CLCNKB: variants seen among roughly 807,000 people sequenced by gnomAD.
CLCNKB encodes the protein chloride channel protein ClC-Kb.
In CLCNKB, 74 loss-of-function variants were observed where a neutral mutation model predicts 83.8. The ratio of observed to expected loss-of-function variants is 0.88; its 90% CI spans 0.73 to 1.07. CLCNKB has a LOEUF of 1.07. Among genes scored for constraint, CLCNKB ranks in the 50% least tolerant of loss-of-function variants. The probability of loss-of-function intolerance (pLI) is 0.00; values close to 1 mark genes in which losing one functional copy is unlikely to be tolerated. For missense variants in CLCNKB, 798 were observed against 893.6 expected, an observed-to-expected ratio of 0.89 and a Z score of 1.36; for synonymous variants, 358 against 356.6, an observed-to-expected ratio of 1.00 and a Z score of -0.04.
rs976896435 is a variant in CLCNKB, at chr1:16,053,568, A to T, written c.1623-71A>T. The T allele has an allele frequency of 1.5e-4, 242 of 1,610,764 alleles. 2 individuals are homozygous for T. The highest frequency in any genetic ancestry group is 2.0e-4 in the Non-Finnish European group (234 of 1,178,224). On this transcript the variant is annotated intron_variant, in intron 15 of 19. Transcript: ENST00000375679. ...GTCCCCGGTTCAAGCAAAGCTCCCCACAGATCCCCCTGCCAGCCTGGGTCT... is the reference window on the plus strand; with the variant it reads ...GTCCCCGGTTCAAGCAAAGCTCCCCTCAGATCCCCCTGCCAGCCTGGGTCT...
chr1:16,057,158 A>C lies in CLCNKB; in HGVS notation c.*242A>C, dbSNP rs781362423. The C allele has an allele frequency of 1.4e-6, 1 of 690,642 alleles. No individual in the cohort carries two copies. The highest frequency in any genetic ancestry group is 1.6e-5 in the South Asian group (1 of 64,272). The allele number at this position is 690,642 out of a possible 1,614,324, so 42.8% of individuals were successfully genotyped here. On this transcript the variant is annotated 3_prime_UTR_variant, in exon 20 of 20. Coordinates refer to ENST00000375679, the MANE Select transcript of CLCNKB (RefSeq NM_000085.5). ...AGAGCTGAGTGTGAGAAGATGGAAA[A>C]CCAGTATCTGCCAGTTGCTCAGTGA...
rs770106760 is a variant in CLCNKB at position 16,052,389 on chromosome 1, C to T, written c.1600C>T (p.Arg534Trp). 2.9e-5 allele frequency: 47 copies of T among 1,613,440 alleles called. No homozygotes were observed. The highest frequency in any genetic ancestry group is 7.7e-5 in the South Asian group (7 of 91,080). Residue 534 changes from arginine (R) to tryptophan (W), a missense_variant, in exon 15 of 20, where the codon CGG becomes TGG. Arg to Trp is a moderately radical substitution (Grantham distance 101). Transcript: ENST00000375679. ...TGTCAAGAAGCTGCCATACCTGCCACGGATTCTGGGCCGCAACATCGGGTG... is the reference window on the plus strand; with the variant it reads ...TGTCAAGAAGCTGCCATACCTGCCATGGATTCTGGGCCGCAACATCGGGTG... ...VIVKKLPYLPRILGRNIGSHR... is the reference protein window; with the variant it reads ...VIVKKLPYLPWILGRNIGSHR...
At chr1:16,049,586 C>A in intron 8 of CLCNKB, 32 bp from the exon 9 acceptor site, 1 of 1,536,306 alleles carries the variant, frequency 6.5e-7, no homozygotes, top group Non-Finnish European at 8.9e-7. Context: ...GTGGGAGCGC[C>A]ATCTTGGCTC....
chr1:16,052,585 G>A (rs1478758987), intron 15 of CLCNKB, among the ~76,000 whole-genome samples, 174 bp downstream of exon 15: 2 of 152,232 alleles, frequency 1.3e-5, no homozygotes, highest in Non-Finnish European at 2.9e-5. Flanking sequence ...CCTTGGGCAA[G>A]TCCTTGGCCT....
At chr1:16,049,937 TGGG>T in intron 10 of CLCNKB, 21 bp downstream of exon 10, 1 of 1,365,824 alleles carries the variant, frequency 7.3e-7, no homozygotes, top group Non-Finnish European at 9.7e-7. Flanking sequence ...GGCTAAGGGC[TGGG>T]GACCTCTCAG....
chr1:16,053,498 C>A, intron 15 of CLCNKB, 141 bp from the exon 16 acceptor site: 1 of 1,230,444 alleles, frequency 8.1e-7, no homozygotes, highest in Non-Finnish European at 1.2e-6. Context: ...AGGAGTCCCT[C>A]ATTCCAGGAA....
Position 16,049,930 on chromosome 1 carries a change from T to C in CLCNKB, c.968+14T>C. The C allele has an allele frequency of 1.4e-6, 2 of 1,464,744 alleles. No homozygotes were observed. The highest frequency in any genetic ancestry group is 1.5e-5 in the African/African-American group (1 of 67,660). 90.7% of individuals were successfully genotyped at this position (1,464,744 alleles called of 1,614,324 possible). On this transcript the variant is annotated intron_variant, in intron 10 of 19. Transcript: ENST00000375679. ...GCTGGCCACCAGGTAGGCTCCGGGC[T>C]AAGGGCTGGGGACCTCTCAGCGAGC...
Position 16,045,588 on chromosome 1 carries a change from T to A in CLCNKB, c.131T>A (p.Phe44Tyr), listed in dbSNP as rs777700978. 1.2e-5 allele frequency: 19 copies of A among 1,613,774 alleles called. No homozygotes were observed. Among genetic ancestry groups the A allele is most frequent in the Admixed American group, 8.3e-5 (5 of 60,002 alleles). Residue 44 changes from phenylalanine to tyrosine, a missense_variant, in exon 3 of 20, where the codon TTC (phenylalanine) becomes TAC (tyrosine). Phe to Tyr is a conservative substitution (Grantham distance 22). Coordinates refer to ENST00000375679, the MANE Select transcript of CLCNKB (RefSeq NM_000085.5). ...GGLEWLKQKL[F>Y]RLGEDWYFLM... Reference sequence around the variant, plus strand: ...CTGGAGTGGCTGAAGCAGAAGCTCTTCCGCCTGGGCGAGGACTGGTACTTC... The same window carrying A: ...CTGGAGTGGCTGAAGCAGAAGCTCTACCGCCTGGGCGAGGACTGGTACTTC...
rs755775914 is a variant in CLCNKB, at chr1:16,055,697, C to CT, written c.1869dup (p.Ala624CysfsTer20). The CT allele has an allele frequency of 6.2e-7, 1 of 1,613,902 alleles. No homozygotes were observed. Among genetic ancestry groups the CT allele is most frequent in the Non-Finnish European group, 8.5e-7 (1 of 1,180,024 alleles). The stretch of plus-strand genomic sequence containing the variant: ...CAGCAGTGTCTCCAGGACATCTTGG[C>CT]TGCAGGCTGCCCCACAGAACCAGTG... On this transcript the variant is annotated frameshift_variant, in exon 18 of 20. Coordinates refer to ENST00000375679, the MANE Select transcript of CLCNKB (RefSeq NM_000085.5). LOFTEE classifies it high-confidence loss of function.
chr1:16,047,798 T>A (rs2023142590), intron 4 of CLCNKB, 107 bp from the exon 5 acceptor site: 7 of 1,293,048 alleles, frequency 5.4e-6, no homozygotes. Flanking sequence ...CTTCAGAGGG[T>A]TCTGCTGATC....
chr1:16,050,223 C>T (rs2023244033), intron 10 of CLCNKB, among the ~76,000 whole-genome samples: 3 of 151,784 alleles, frequency 2.0e-5, no homozygotes, highest in Admixed American at 6.6e-5. Context: ...CATGTGTGCC[C>T]ATGGCATTGG....
At position 16,053,707 on chromosome 1, in the gene CLCNKB, TGGA is replaced by T. The variant is rs2023363606; in HGVS notation, c.1697_1699del (p.Glu566del). On this transcript the variant is annotated inframe_deletion, in exon 16 of 20. Transcript: ENST00000375679. ...ACCACACTGGCCAAGGACATGCCAC[TGGA>T]GGAGGTGGTCAAGGTTGTGACCTCC... 6.2e-7 allele frequency: 1 copy of T among 1,613,830 alleles called. No individual in the cohort carries two copies. The highest frequency in any genetic ancestry group is 8.5e-7 in the Non-Finnish European group (1 of 1,180,008).
In CLCNKB at chr1:16,050,871, A is replaced by G. The variant is rs2023266065; in HGVS notation, c.1054-4A>G. The G allele has an allele frequency of 1.2e-6, 2 of 1,611,624 alleles. No homozygotes were observed. The highest frequency in any genetic ancestry group is 1.7e-6 in the Non-Finnish European group (2 of 1,179,896). ...ATGTCCAGTTCCCACCTGCCCCGCC[A>G]CAGCTGTCCATGAAGCAGCATCTGG... On this transcript the variant is annotated splice_polypyrimidine_tract_variant and splice_region_variant and intron_variant, in intron 11 of 19. Transcript: ENST00000375679.
Position 16,050,998 on chromosome 1 carries a change from C to T in CLCNKB, c.1177C>T (p.His393Tyr), listed in dbSNP as rs1156420091. ...DPQHLWWEWY[H>Y]PRFTIFGTLA... ...CCAGCACCTGTGGTGGGAATGGTACCACCCGCGGTTCACCATCTTTGGGAC... is the reference window on the plus strand; with the variant it reads ...CCAGCACCTGTGGTGGGAATGGTACTACCCGCGGTTCACCATCTTTGGGAC... The change falls in exon 12 of 20, where the codon CAC (histidine) becomes TAC (tyrosine). Residue 393 changes from histidine to tyrosine, a missense_variant. Transcript: ENST00000375679. 1 of 1,614,080 alleles carries T rather than the reference C, an allele frequency of 6.2e-7. No homozygotes were observed. Among genetic ancestry groups the T allele is most frequent in the South Asian group, 1.1e-5 (1 of 91,074 alleles).
Position 16,051,512 on chromosome 1 carries a change from T to C in CLCNKB, c.1262T>C (p.Met421Thr). The C allele has an allele frequency of 6.2e-7, 1 of 1,614,106 alleles. No individual in the cohort carries two copies. Among genetic ancestry groups the C allele is most frequent in the Non-Finnish European group, 8.5e-7 (1 of 1,179,990 alleles). Residue 421 changes from methionine to threonine, a missense_variant, in exon 13 of 20, where the codon ATG becomes ACG. Coordinates refer to ENST00000375679, the MANE Select transcript of CLCNKB (RefSeq NM_000085.5). Reference sequence around the variant, plus strand: ...CTGATTCTGGCCACCACCATCCCCATGCCTGCCGGGTACTTCATGCCCATC... The same window carrying C: ...CTGATTCTGGCCACCACCATCCCCACGCCTGCCGGGTACTTCATGCCCATC... ...WMLILATTIP[M>T]PAGYFMPIFV...
chr1:16,044,255 A>T (rs553454641), intron 1 of CLCNKB, among the ~76,000 whole-genome samples: 1 of 151,980 alleles, frequency 6.6e-6, no homozygotes, highest in Admixed American at 6.5e-5. Flanking sequence ...ACACCTAGGA[A>T]TCCCACCCCC....
Position 16,055,485 on chromosome 1 carries a change from C to CT in CLCNKB, c.1808dup (p.Lys604GlufsTer3). 1 of 1,602,892 alleles carries CT rather than the reference C, an allele frequency of 6.2e-7. No individual in the cohort carries two copies. The highest frequency in any genetic ancestry group is 8.5e-7 in the Non-Finnish European group (1 of 1,173,898). ...GCGAAGGGCCCAGCTGGTGCAGGCC[C>CT]TGAAGGCTGAGCCTCCTTCCTGGGC... On this transcript the variant is annotated frameshift_variant, in exon 17 of 20. Transcript: ENST00000375679. LOFTEE classifies it high-confidence loss of function.
At chr1:16,047,809 T>G (rs2023142791) in intron 4 of CLCNKB, 96 bp from the exon 5 acceptor site, 1 of 1,388,424 alleles carries the variant, frequency 7.2e-7, no homozygotes, top group South Asian at 1.2e-5. Context: ...TCTGCTGATC[T>G]GGCGAGATCG....
intron 14 of CLCNKB, 99 bp from the exon 15 acceptor site, chr1:16,052,099 C>A: frequency 1.3e-6 from 2 of 1,482,904 alleles, no homozygotes; most frequent in Non-Finnish European, 1.9e-6. Context: ...TGGCCTCTTA[C>A]AAATCACACC....
Sources: allele counts gnomAD v4.1 joint callset (sites outside exome capture counted in the v4.1 genomes callset), GRCh38; gene constraint gnomAD v4.1.1; transcripts MANE v1.5; gene names NCBI Gene and HGNC (gene_info 2026-07-23, HGNC 2026-07-21).